The following HPCAL1 variants were observed in gnomAD, a reference collection of about 807,000 sequenced individuals.
HPCAL1 encodes the protein hippocalcin-like protein 1.
HPCAL1 carries 8 observed loss-of-function variants against 17.1 expected under a neutral mutation model. The ratio of observed to expected loss-of-function variants is 0.47; its 90% CI spans 0.27 to 0.84. The LOEUF is 0.84. HPCAL1 is among the 40% of genes least tolerant of loss of function. HPCAL1 has a pLI of 0.13. For synonymous variants in HPCAL1, 112 were observed against 111.4 expected (o/e 1.01, Z -0.03); for missense variants, 165 against 271.1 (o/e 0.61, Z 2.75).
chr2:10,413,757 A>G (rs754800525), intron 2 of HPCAL1, among the ~76,000 whole-genome samples: 48 of 152,248 alleles, frequency 3.2e-4, no homozygotes, highest in Non-Finnish European at 6.6e-4. Context: ...TGGGATCGGT[A>G]AGAACATAAA....
intron 4 of HPCAL1, chr2:10,426,372 T>C (rs1165371612): frequency 8.7e-6 from 2 of 229,196 alleles, no homozygotes; most frequent in Non-Finnish European, 1.8e-5. Context: ...GGATTCTGTA[T>C]GGGTTAGAGG....
intron 2 of HPCAL1, among the ~76,000 whole-genome samples, chr2:10,411,176 G>A (rs1670330122): frequency 6.6e-6 from 1 of 152,164 alleles, no homozygotes; most frequent in Non-Finnish European, 1.5e-5. Flanking sequence ...GTCCTGGCGA[G>A]CACAAGCAGA....
At chr2:10,305,624 A>G (rs1304394949) in intron 1 of HPCAL1, among the ~76,000 whole-genome samples, 1 of 152,244 alleles carries the variant, frequency 6.6e-6, no homozygotes, top group Non-Finnish European at 1.5e-5. Context: ...AGGTCCTTTG[A>G]TCTGTGGAGA....
intron 4 of HPCAL1, chr2:10,424,232 G>A (rs1671261926): frequency 3.0e-6 from 1 of 327,960 alleles, no homozygotes; most frequent in Non-Finnish European, 6.1e-6. Context: ...GGGATGTGGG[G>A]GAGCTGTAAG....
chr2:10,426,754 G>A lies in HPCAL1; in HGVS notation c.515G>A (p.Gly172Asp). 1 of 1,613,520 alleles carries A rather than the reference G, an allele frequency of 6.2e-7. No homozygotes were observed. Among genetic ancestry groups the A allele is most frequent in the Non-Finnish European group, 8.5e-7 (1 of 1,180,012 alleles). ...CTGTCCTTGGAAGAATTCATCAGAG[G>A]TGCCAAGAGCGACCCCTCCATCGTC... ...GKLSLEEFIR[G>D]AKSDPSIVRL... is the part of the protein sequence containing the mutation. The change falls in exon 5 of 5, where the codon GGT (glycine) becomes GAT (aspartate). Residue 172 changes from glycine (G) to aspartate (D), a missense_variant. Coordinates refer to ENST00000307845, the MANE Select transcript of HPCAL1 (RefSeq NM_002149.4).
chr2:10,310,232 T>C lies in HPCAL1; in HGVS notation c.-111+7055T>C, dbSNP rs1486042175. Among the ~76,000 whole-genome samples the C allele has an allele frequency of 6.6e-6, 1 of 152,152 alleles. No individual in the cohort carries two copies. The highest frequency in any genetic ancestry group is 1.5e-5 in the Non-Finnish European group (1 of 68,026). The stretch of plus-strand genomic sequence containing the variant: ...TGTTCTCTGAGTCTGTTTGGTCATG[T>C]GCAGAAAGGGGTTCTAGGCGCAGCT... On this transcript the variant is annotated intron_variant, in intron 1 of 4. Transcript: ENST00000307845. The surrounding 1 kb of genome is among the most constrained non-coding windows in gnomAD (Gnocchi z 4.5).
At chr2:10,341,736 T>C (rs1665097761) in intron 1 of HPCAL1, among the ~76,000 whole-genome samples, 1 of 152,260 alleles carries the variant, frequency 6.6e-6, no homozygotes, top group Middle Eastern at 3.4e-3. Flanking sequence ...AGAGTGGGCA[T>C]TGGCTGGGTC....
At chr2:10,416,172 T>C (rs1010809016) in intron 2 of HPCAL1, among the ~76,000 whole-genome samples, 1 of 152,194 alleles carries the variant, frequency 6.6e-6, no homozygotes, top group Non-Finnish European at 1.5e-5. Flanking sequence ...TCAGGCTACC[T>C]TTGCAAATAG....
chr2:10,315,834 C>T (rs1663279974), intron 1 of HPCAL1, among the ~76,000 whole-genome samples: 1 of 152,124 alleles, frequency 6.6e-6, no homozygotes, highest in South Asian at 2.1e-4. Flanking sequence ...TGGTGAAACC[C>T]CATCTCTACT....
At chr2:10,349,665 T>G (rs1343539792) in intron 1 of HPCAL1, among the ~76,000 whole-genome samples, 1 of 112,614 alleles carries the variant, frequency 8.9e-6, no homozygotes, top group Non-Finnish European at 1.6e-5. Context: ...ATCATGCCAC[T>G]GCACTCCAGC....
At chr2:10,349,559 T>G (rs188705894) in intron 1 of HPCAL1, among the ~76,000 whole-genome samples, 114 of 151,244 alleles carry the variant, frequency 7.5e-4, no homozygotes, top group African/African-American at 2.6e-3. Context: ...AAAAATTAGC[T>G]GGGCGTGGTG....
intron 1 of HPCAL1, among the ~76,000 whole-genome samples, chr2:10,392,074 G>A (rs1034230992): frequency 2.6e-5 from 4 of 151,584 alleles, no homozygotes; most frequent in Non-Finnish European, 2.9e-5. Flanking sequence ...ACGTGGTCTC[G>A]ATCTATCCCT....
At chr2:10,355,482 A>AG (rs1666096483) in intron 1 of HPCAL1, among the ~76,000 whole-genome samples, 1 of 143,510 alleles carries the variant, frequency 7.0e-6, no homozygotes, top group African/African-American at 2.6e-5. Flanking sequence ...AAAAAAAAAA[A>AG]GAGTTTAACG....
chr2:10,400,156 G>A (rs769269785), intron 2 of HPCAL1, among the ~76,000 whole-genome samples: 3 of 152,222 alleles, frequency 2.0e-5, no homozygotes, highest in Non-Finnish European at 4.4e-5. Context: ...CTGGTGCAAA[G>A]GGCCTGTGGC....
rs996623487 is a variant in HPCAL1, at chr2:10,379,105, A to T, written c.-110-17730A>T. Reference sequence around the variant, plus strand: ...CACTTTGTGAGGCCAAGACGGGCAGATCACTTGAGGTCAGGAGTTCGAGAC... The same window carrying T: ...CACTTTGTGAGGCCAAGACGGGCAGTTCACTTGAGGTCAGGAGTTCGAGAC... On this transcript the variant is annotated intron_variant, in intron 1 of 4. Coordinates refer to ENST00000307845, the MANE Select transcript of HPCAL1 (RefSeq NM_002149.4). Among the ~76,000 whole-genome samples, 2 of 152,040 alleles carry T rather than the reference A, an allele frequency of 1.3e-5. 1 individual carries two copies. Among genetic ancestry groups the T allele is most frequent in the African/African-American group, 4.8e-5 (2 of 41,376 alleles).
At chr2:10,410,436 C>CTTTTTTTTTTTTTT (rs36002921) in intron 2 of HPCAL1, among the ~76,000 whole-genome samples, 17 of 77,524 alleles carry the variant, frequency 2.2e-4, no homozygotes, top group East Asian at 8.6e-4. Context: ...TCTTCTTCTT[C>CTTTTTTTTTTTTTT]TTTTTTTTTT....
intron 1 of HPCAL1, among the ~76,000 whole-genome samples, chr2:10,369,495 T>A (rs1485327695): frequency 6.6e-6 from 1 of 152,206 alleles, no homozygotes; most frequent in East Asian, 1.9e-4. Flanking sequence ...ATGTTGACAC[T>A]TGGTGGGGCC....
intron 4 of HPCAL1, chr2:10,424,710 G>T (rs1183208394): frequency 1.1e-5 from 5 of 455,936 alleles, no homozygotes; most frequent in Non-Finnish European, 2.3e-5. Flanking sequence ...TGTCCCTGGA[G>T]CTTGGGGCAA....
At chr2:10,341,997 AG>A (rs1331453669) in intron 1 of HPCAL1, among the ~76,000 whole-genome samples, 1 of 150,378 alleles carries the variant, frequency 6.6e-6, no homozygotes, top group Non-Finnish European at 1.5e-5. Flanking sequence ...CTCTAGATAA[AG>A]TTTTTTTTTT....
Sources: gnomAD v4.1 joint callset for allele counts (sites outside exome capture counted in the v4.1 genomes callset) on GRCh38, gnomAD v4.1.1 for gene constraint, Gnocchi (gnomAD v3.1) non-coding constraint, MANE v1.5 for transcripts, NCBI Gene and HGNC (gene_info 2026-07-23, HGNC 2026-07-21) for gene names.